The following BCL7A variants were observed in gnomAD, a reference collection of about 807,000 sequenced individuals.
BCL7A encodes the protein BAF chromatin remodeling complex subunit BCL7A.
A neutral mutation model predicts 28.4 loss-of-function variants in BCL7A; 11 were observed. That is an observed-to-expected ratio of 0.39 (90% CI 0.24 to 0.64). The LOEUF (loss-of-function observed/expected upper bound fraction) is 0.64. Ranked by LOEUF, BCL7A falls within the 30% of genes least tolerant of loss-of-function variation. BCL7A has a pLI of 0.50. For missense variants in BCL7A, 222 were observed against 274.8 expected (o/e 0.81, Z 1.36); for synonymous variants, 123 against 103.3 (o/e 1.19, Z -1.15).
chr12:122,025,365 C>T (rs2135837659), intron 1 of BCL7A, among the ~76,000 whole-genome samples: 1 of 152,150 alleles, frequency 6.6e-6, no homozygotes, highest in South Asian at 2.1e-4. Context: ...GTGGCTCACG[C>T]CTGTAATTTC....
intron 3 of BCL7A, among the ~76,000 whole-genome samples, chr12:122,041,938 A>G (rs1031670717): frequency 4.6e-5 from 7 of 152,120 alleles, no homozygotes; most frequent in Non-Finnish European, 1.0e-4. Flanking sequence ...TTAACTGGGC[A>G]TGTTGGTGCA....
At chr12:122,052,550 C>G (rs2135858659) in intron 4 of BCL7A, among the ~76,000 whole-genome samples, 1 of 152,344 alleles carries the variant, frequency 6.6e-6, no homozygotes, top group Middle Eastern at 3.4e-3. Flanking sequence ...AACCACGAAA[C>G]TTTCTGTCTC....
intron 4 of BCL7A, among the ~76,000 whole-genome samples, chr12:122,046,995 C>T (rs557666504): frequency 2.0e-5 from 3 of 151,786 alleles, no homozygotes; most frequent in Non-Finnish European, 4.4e-5. Context: ...CCTCCGCCTC[C>T]CAGGTTCAAG....
rs912055210 is a variant in BCL7A at position 122,060,988 on chromosome 12, A to G, written c.*1825A>G. ...AAAAAAAAAATCCTTGTACTTATCA[A>G]TTTTGCCCCTTAGGCAGTCAGTTTT... On this transcript the variant is annotated 3_prime_UTR_variant, in exon 6 of 6. Transcript: ENST00000261822. The G allele has an allele frequency of 3.0e-4, 69 of 226,640 alleles. No individual in the cohort carries two copies. Among genetic ancestry groups the G allele is most frequent in the African/African-American group, 1.4e-3 (64 of 44,960 alleles). 14.0% of individuals were successfully genotyped at this position (226,640 alleles called of 1,614,324 possible).
chr12:122,059,826 G>A lies in BCL7A; in HGVS notation c.*663G>A, dbSNP rs554644175. Reference sequence around the variant, plus strand: ...ACCAGGCACCAGGGCCCAAGGACGCGCAGGTGTTGGGGCACAGTCCCCAAG... The same window carrying A: ...ACCAGGCACCAGGGCCCAAGGACGCACAGGTGTTGGGGCACAGTCCCCAAG... On this transcript the variant is annotated 3_prime_UTR_variant, in exon 6 of 6. Coordinates refer to ENST00000261822, the MANE Select transcript of BCL7A (RefSeq NM_001024808.3). This position sits in a 1 kb window ranked among gnomAD's most constrained non-coding sequence, Gnocchi z 4.0. 22 of 231,944 alleles carry A rather than the reference G, an allele frequency of 9.5e-5. No homozygotes were observed. Among genetic ancestry groups the A allele is most frequent in the African/African-American group, 4.0e-4 (18 of 45,360 alleles). 14.4% of individuals were successfully genotyped at this position (231,944 alleles called of 1,614,324 possible). A position where few individuals can be genotyped will look rare whatever the true frequency, so the allele number is the denominator to read the frequency against.
At chr12:122,046,736 G>A (rs984559134) in intron 4 of BCL7A, among the ~76,000 whole-genome samples, 1 of 152,116 alleles carries the variant, frequency 6.6e-6, no homozygotes, top group Non-Finnish European at 1.5e-5. Flanking sequence ...AATCAGCTTT[G>A]ACAATACCGG....
At chr12:122,024,000 C>T (rs1883547469) in intron 1 of BCL7A, among the ~76,000 whole-genome samples, 1 of 152,196 alleles carries the variant, frequency 6.6e-6, no homozygotes, top group Admixed American at 6.5e-5. Context: ...CTCCTGCACC[C>T]TGACAGCTGC....
chr12:122,037,187 G>A (rs927024807), intron 3 of BCL7A, among the ~76,000 whole-genome samples: 1 of 152,152 alleles, frequency 6.6e-6, no homozygotes, highest in Non-Finnish European at 1.5e-5. Context: ...GCGCCTCCAG[G>A]CCCACCTGGC....
At chr12:122,022,964 G>A (rs559704939) in intron 1 of BCL7A, among the ~76,000 whole-genome samples, 2 of 152,162 alleles carry the variant, frequency 1.3e-5, no homozygotes, top group African/African-American at 2.4e-5. Context: ...GGCCGCGGCT[G>A]CCTCTCCACA....
At chr12:122,024,734 A>T (rs931221346) in intron 1 of BCL7A, among the ~76,000 whole-genome samples, 6 of 152,222 alleles carry the variant, frequency 3.9e-5, no homozygotes, top group African/African-American at 1.2e-4. Flanking sequence ...AGATTTTTTT[A>T]AAAATAAATG....
intron 4 of BCL7A, among the ~76,000 whole-genome samples, chr12:122,046,442 G>C (rs934528907): frequency 1.3e-5 from 2 of 152,184 alleles, no homozygotes; most frequent in Admixed American, 1.3e-4. Context: ...GTCCCCTGCT[G>C]CAGAGCTGAT....
chr12:122,036,947 G>T (rs933329737), intron 3 of BCL7A, among the ~76,000 whole-genome samples: 3 of 152,078 alleles, frequency 2.0e-5, no homozygotes, highest in African/African-American at 4.8e-5. Context: ...GGTCTCGAAC[G>T]CCCGCCTTGG....
intron 4 of BCL7A, chr12:122,044,261 C>A: frequency 1.7e-6 from 1 of 575,688 alleles, no homozygotes; most frequent in Non-Finnish European, 2.9e-6. Flanking sequence ...GTAATCCCTG[C>A]ACTTTAGGAG....
intron 1 of BCL7A, among the ~76,000 whole-genome samples, chr12:122,024,998 T>C (rs1883584451): frequency 7.6e-6 from 1 of 132,430 alleles, no homozygotes. Flanking sequence ...GGCCTCCCTC[T>C]CATTTGGGGC....
At position 122,059,916 on chromosome 12, in the gene BCL7A, T is replaced by A; in HGVS notation, c.*753T>A. The A allele has an allele frequency of 4.3e-6, 1 of 232,698 alleles. No homozygotes were observed. The highest frequency in any genetic ancestry group is 8.5e-6 in the Non-Finnish European group (1 of 117,670). The allele number at this position is 232,698 out of a possible 1,614,324, so 14.4% of individuals were successfully genotyped here. A position where few individuals can be genotyped will look rare whatever the true frequency, so the allele number is the denominator to read the frequency against. The stretch of plus-strand genomic sequence containing the variant: ...CTCCCCTCCTTGGGGCGTTTAGGAC[T>A]GGGCGTCTCCAAGCCCACCATGGCC... On this transcript the variant is annotated 3_prime_UTR_variant, in exon 6 of 6. Transcript: ENST00000261822. This position sits in a 1 kb window ranked among gnomAD's most constrained non-coding sequence, Gnocchi z 4.0.
intron 4 of BCL7A, among the ~76,000 whole-genome samples, chr12:122,045,210 GTCTC>G (rs1350280638): frequency 6.6e-5 from 10 of 152,038 alleles, no homozygotes; most frequent in Admixed American, 6.6e-4. Flanking sequence ...GTGAAACCCT[GTCTC>G]TACTAAAAAT....
chr12:122,035,242 A>G (rs884785), intron 2 of BCL7A, 89 bp from the exon 3 acceptor site: 80,704 of 1,259,062 alleles, frequency 0.064, 4,734 homozygotes, highest in African/African-American at 0.29. Context: ...AATGGAATAA[A>G]ATATTCACAC....
Position 122,054,886 on chromosome 12 carries a change from G to C in BCL7A, c.521G>C (p.Gly174Ala). ...GAGAAAGTAGATCGGCAGCCGTCTG[G>C]AGACTCGGGTCTGGCCGCAGAGACG... ...SSEKVDRQPS[G>A]DSGLAAETSA... The change falls in exon 5 of 6, where the codon GGA becomes GCA. Residue 174 changes from glycine (G) to alanine (A), a missense_variant. Transcript: ENST00000261822. 2 of 1,614,218 alleles carry C rather than the reference G, an allele frequency of 1.2e-6. No individual in the cohort carries two copies. Among genetic ancestry groups the C allele is most frequent in the Non-Finnish European group, 1.7e-6 (2 of 1,180,040 alleles).
intron 3 of BCL7A, among the ~76,000 whole-genome samples, chr12:122,040,900 T>A (rs1164481123): frequency 1.3e-5 from 2 of 152,154 alleles, no homozygotes; most frequent in African/African-American, 4.8e-5. Flanking sequence ...TAAACATTAG[T>A]GCTCATTGTC....
Sources: allele counts gnomAD v4.1 joint callset (sites outside exome capture counted in the v4.1 genomes callset), GRCh38; gene constraint gnomAD v4.1.1; non-coding constraint Gnocchi (gnomAD v3.1); transcripts MANE v1.5; gene names NCBI Gene and HGNC (gene_info 2026-07-23, HGNC 2026-07-21).